The following ZRANB2 variants were observed in gnomAD, a reference collection of about 807,000 sequenced individuals.
The protein encoded by ZRANB2 is zinc finger RANBP2-type containing 2.
A neutral mutation model predicts 53.4 loss-of-function variants in ZRANB2; 19 were observed. That is an observed-to-expected ratio of 0.36 (90% CI 0.25 to 0.52). The LOEUF is 0.52. Ranked by LOEUF, ZRANB2 falls within the 20% of genes least tolerant of loss-of-function variation. The probability of loss-of-function intolerance (pLI) is 0.93; values close to 1 mark genes in which losing one functional copy is unlikely to be tolerated. For missense variants in ZRANB2, 309 were observed against 401.1 expected (o/e 0.77, Z 1.96); for synonymous variants, 145 against 134.8 (o/e 1.08, Z -0.52).
chr1:71,078,474 A>G lies in ZRANB2; in HGVS notation c.201T>C (p.Asn67=). The G allele has an allele frequency of 6.2e-7, 1 of 1,613,756 alleles. No individual in the cohort carries two copies. Among genetic ancestry groups the G allele is most frequent in the Non-Finnish European group, 8.5e-7 (1 of 1,179,820 alleles). ...AAACATACGTTTTACATTGCCAGTC[A>G]TTAGCACTAAATAGGCCTCGGCTCT... ...AEKSRGLFSA[N]DWQCKTCSNV... Residue 67 remains asparagine, a synonymous_variant, in exon 3 of 10, where the codon AAT becomes AAC. Coordinates refer to ENST00000370920, the MANE Select transcript of ZRANB2 (RefSeq NM_203350.3).
rs1661367267 is a variant in ZRANB2, at chr1:71,064,163, C to T, written c.*911G>A. On this transcript the variant is annotated 3_prime_UTR_variant, in exon 10 of 10. Coordinates refer to ENST00000370920, the MANE Select transcript of ZRANB2 (RefSeq NM_203350.3). ...TTGTATGCAGTGTGTTTATAGTTAA[C>T]ATCTTGAGGCAAATGTTCACTTAAA... is the stretch of plus-strand genomic sequence containing the variant. The T allele has an allele frequency of 6.6e-6, 1 of 152,404 alleles. No individual in the cohort carries two copies. The highest frequency in any genetic ancestry group is 2.4e-5 in the African/African-American group (1 of 41,434). 9.4% of individuals were successfully genotyped at this position (152,404 alleles called of 1,614,324 possible). A position where few individuals can be genotyped will look rare whatever the true frequency, so the allele number is the denominator to read the frequency against.
At chr1:71,078,934 G>C (rs1203871551) in intron 1 of ZRANB2, among the ~76,000 whole-genome samples, 4 of 152,104 alleles carry the variant, frequency 2.6e-5, no homozygotes, top group African/African-American at 9.7e-5. Flanking sequence ...CCAGTCATGT[G>C]ATCTTGATTA....
intron 9 of ZRANB2, chr1:71,065,882 AT>A (rs984581141): frequency 6.8e-5 from 93 of 1,368,394 alleles, no homozygotes; most frequent in Admixed American, 3.4e-4. Flanking sequence ...AAACAGAGTA[AT>A]TTTTTTTACA....
At chr1:71,071,717 C>T (rs559467825) in intron 6 of ZRANB2, among the ~76,000 whole-genome samples, 28 of 152,240 alleles carry the variant, frequency 1.8e-4, no homozygotes, top group Admixed American at 1.5e-3. Context: ...CCTAAATGTG[C>T]TCTCACCTCG....
chr1:71,077,882 A>G (rs1557794826), intron 3 of ZRANB2, among the ~76,000 whole-genome samples: 1 of 152,120 alleles, frequency 6.6e-6, no homozygotes, highest in Non-Finnish European at 1.5e-5. Flanking sequence ...AACAAACAAA[A>G]AGAGAAATTT....
At position 71,065,074 on chromosome 1, in the gene ZRANB2, T is replaced by G; in HGVS notation, c.993A>C (p.Ter331TyrextTer19). 6.2e-7 allele frequency: 1 copy of G among 1,604,892 alleles called. No homozygotes were observed. Among genetic ancestry groups the G allele is most frequent in the African/African-American group, 1.3e-5 (1 of 74,636 alleles). ...SGSRSSSKKK[*>Y] ...TTTTTAAGATGTAAATTTTAATACA[T>G]TATTTCTTTTTTGAACTTGAACGGG... is the stretch of plus-strand genomic sequence containing the variant. The change falls in exon 10 of 10, where the codon TAA (stop) becomes TAC (tyrosine). Residue 331 changes from the stop codon to tyrosine, a stop_lost. Coordinates refer to ENST00000370920, the MANE Select transcript of ZRANB2 (RefSeq NM_203350.3).
At chr1:71,065,613 A>T in intron 9 of ZRANB2, 1 of 1,523,744 alleles carries the variant, frequency 6.6e-7, no homozygotes, top group Non-Finnish European at 8.8e-7. Flanking sequence ...AGGTCACACA[A>T]GATGATTGTA....
chr1:71,072,626 C>G (rs2101047281), intron 4 of ZRANB2, 78 bp from the exon 5 acceptor site: 1 of 1,050,122 alleles, frequency 9.5e-7, no homozygotes, highest in Admixed American at 2.3e-5. Context: ...AATCTCCAGA[C>G]AACAAAAAAC....
chr1:71,080,791 G>C (rs1017740104), intron 1 of ZRANB2, 149 bp downstream of exon 1: 14 of 862,682 alleles, frequency 1.6e-5, no homozygotes, highest in Non-Finnish European at 2.7e-5. Flanking sequence ...GAGGAGATTG[G>C]GAGCCTTCTT....
At chr1:71,075,916 G>A (rs1661700955) in intron 4 of ZRANB2, among the ~76,000 whole-genome samples, 1 of 149,894 alleles carries the variant, frequency 6.7e-6, no homozygotes, top group South Asian at 2.2e-4. Context: ...GGGTGGGGGG[G>A]GATAAAAGTA....
At chr1:71,072,938 T>C (rs1246415563) in intron 4 of ZRANB2, among the ~76,000 whole-genome samples, 1 of 152,120 alleles carries the variant, frequency 6.6e-6, no homozygotes, top group Non-Finnish European at 1.5e-5. Context: ...GTTTACCAAC[T>C]GCAAATAGTC....
chr1:71,067,884 T>C (rs1253534880), intron 8 of ZRANB2, among the ~76,000 whole-genome samples: 2 of 151,742 alleles, frequency 1.3e-5, no homozygotes, highest in African/African-American at 4.8e-5. Context: ...TCTATTTTTT[T>C]TTTTTTTTTT....
chr1:71,067,582 TA>T, intron 8 of ZRANB2: 1 of 397,722 alleles, frequency 2.5e-6, no homozygotes, highest in South Asian at 1.9e-5. Flanking sequence ...TGCAAATGTT[TA>T]AATACAAATT....
intron 4 of ZRANB2, among the ~76,000 whole-genome samples, chr1:71,074,655 G>GT (rs56047754): frequency 0.17 from 24,764 of 149,148 alleles, 2,675 homozygotes; most frequent in East Asian, 0.41. Context: ...ATCTTTAATG[G>GT]TTTTTTTTTT....
In ZRANB2 at chr1:71,070,952, A is replaced by G. The variant is rs1215308008; in HGVS notation, c.558T>C (p.Asp186=). ...TATTACTATCTTCTTCTTCACTGGCATCAAGATTATATTTTGAGAGATCAG... is the reference window on the plus strand; with the variant it reads ...TATTACTATCTTCTTCTTCACTGGCGTCAAGATTATATTTTGAGAGATCAG... ...DDADLSKYNL[D]ASEEEDSNKK... The change falls in exon 7 of 10, where the codon GAT becomes GAC. Residue 186 remains aspartate (D), a synonymous_variant. Transcript: ENST00000370920. The G allele has an allele frequency of 6.2e-6, 10 of 1,608,554 alleles. No individual in the cohort carries two copies. Among genetic ancestry groups the G allele is most frequent in the Non-Finnish European group, 8.5e-6 (10 of 1,177,796 alleles).
chr1:71,071,429 G>A (rs1244401865), intron 6 of ZRANB2, among the ~76,000 whole-genome samples: 3 of 152,160 alleles, frequency 2.0e-5, no homozygotes, highest in Non-Finnish European at 4.4e-5. Context: ...ACACAGGACA[G>A]ATAAACACAT....
intron 9 of ZRANB2, chr1:71,065,592 T>A: frequency 6.8e-7 from 1 of 1,478,336 alleles, no homozygotes; most frequent in Non-Finnish European, 9.0e-7. Flanking sequence ...ATAAATAAGT[T>A]TTGGAAATCT....
At chr1:71,076,536 G>A (rs1222596583) in intron 4 of ZRANB2, among the ~76,000 whole-genome samples, 2 of 151,940 alleles carry the variant, frequency 1.3e-5, no homozygotes, top group African/African-American at 4.8e-5. Context: ...GTGAAAGGGA[G>A]AGGAGGAGAA....
intron 1 of ZRANB2, among the ~76,000 whole-genome samples, chr1:71,079,493 G>C (rs988258867): frequency 6.6e-6 from 1 of 152,118 alleles, no homozygotes; most frequent in Non-Finnish European, 1.5e-5. Flanking sequence ...CATTATACTA[G>C]AATACAATAC....
Sources: allele counts gnomAD v4.1 joint callset (sites outside exome capture counted in the v4.1 genomes callset), GRCh38; gene constraint gnomAD v4.1.1; transcripts MANE v1.5; gene names NCBI Gene and HGNC (gene_info 2026-07-23, HGNC 2026-07-21).